The following ADAMTS9 variants were observed in gnomAD, a reference collection of about 807,000 sequenced individuals.
ADAMTS9 encodes the protein A disintegrin and metalloproteinase with thrombospondin motifs 9.
ADAMTS9 carries 107 observed loss-of-function variants against 257.1 expected under a neutral mutation model. That is an observed-to-expected ratio of 0.42 (90% CI 0.36 to 0.49). The LOEUF (loss-of-function observed/expected upper bound fraction) is 0.49. Ranked by LOEUF, ADAMTS9 falls within the 20% of genes least tolerant of loss-of-function variation. The pLI, the probability that ADAMTS9 is intolerant of heterozygous loss-of-function variation, is 0.03. For missense variants in ADAMTS9, 2,353 were observed against 2,469.1 expected (o/e 0.95, Z 1.00); for synonymous variants, 982 against 880.9 (o/e 1.11, Z -2.03).
At chr3:64,634,980 A>C (rs1700458349) in intron 12 of ADAMTS9, among the ~76,000 whole-genome samples, 2 of 152,170 alleles carry the variant, frequency 1.3e-5, no homozygotes, top group Non-Finnish European at 2.9e-5. Flanking sequence ...GTGTGGCCCT[A>C]GACTAAGTTC....
intron 38 of ADAMTS9, among the ~76,000 whole-genome samples, chr3:64,526,778 T>A (rs1185771525): frequency 6.6e-6 from 1 of 152,180 alleles, no homozygotes; most frequent in Non-Finnish European, 1.5e-5. Context: ...TAGTACCCCA[T>A]CACGGGTTTG....
At chr3:64,627,692 ATTTC>A (rs1700259791) in intron 16 of ADAMTS9, among the ~76,000 whole-genome samples, 1 of 152,102 alleles carries the variant, frequency 6.6e-6, no homozygotes, top group Non-Finnish European at 1.5e-5. Context: ...AAGGGAGCTA[ATTTC>A]CTGGGTTGGT....
At chr3:64,675,231 C>T (rs896049112) in intron 3 of ADAMTS9, among the ~76,000 whole-genome samples, 5 of 152,060 alleles carry the variant, frequency 3.3e-5, no homozygotes, top group African/African-American at 4.8e-5. Flanking sequence ...ATGGAGTTTG[C>T]GGTAAGAATT....
At chr3:64,582,762 T>C (rs187290770) in intron 28 of ADAMTS9, 10 of 152,268 alleles carry the variant, frequency 6.6e-5, no homozygotes, top group Admixed American at 3.9e-4. Context: ...AGTGCCAAGG[T>C]TGGGAAACCC....
chr3:64,680,869 A>G (rs1701736436), intron 3 of ADAMTS9, among the ~76,000 whole-genome samples: 1 of 152,180 alleles, frequency 6.6e-6, no homozygotes, highest in Non-Finnish European at 1.5e-5. Context: ...GGGTGCTACT[A>G]TCATGACCTG....
chr3:64,676,687 G>T (rs1396992961), intron 3 of ADAMTS9, among the ~76,000 whole-genome samples: 1 of 152,082 alleles, frequency 6.6e-6, no homozygotes, highest in Admixed American at 6.6e-5. Context: ...CCTCCCAAAG[G>T]GCACTTAGGC....
At chr3:64,679,087 A>G (rs1336601468) in intron 3 of ADAMTS9, among the ~76,000 whole-genome samples, 6 of 152,126 alleles carry the variant, frequency 3.9e-5, no homozygotes, top group Admixed American at 1.3e-4. Context: ...TATTTTTTTT[A>G]ACTAACGCAT....
At chr3:64,522,569 G>C (rs1012012754) in intron 38 of ADAMTS9, 6 of 221,996 alleles carry the variant, frequency 2.7e-5, no homozygotes, top group Middle Eastern at 1.7e-3. Flanking sequence ...TCAAATTTCA[G>C]TGTCTATTAA....
chr3:64,521,399 C>A (rs1320233739), intron 39 of ADAMTS9: 1 of 152,066 alleles, frequency 6.6e-6, no homozygotes, highest in East Asian at 1.9e-4. Flanking sequence ...TCTTAAAGAA[C>A]TAAAAATATA....
intron 8 of ADAMTS9, among the ~76,000 whole-genome samples, chr3:64,651,633 A>G (rs957175736): frequency 6.6e-6 from 1 of 152,200 alleles, no homozygotes; most frequent in African/African-American, 2.4e-5. Flanking sequence ...GGGTCTTGGC[A>G]TCTTCCCCTT....
chr3:64,602,368 C>T (rs889391505), intron 25 of ADAMTS9, among the ~76,000 whole-genome samples, 155 bp from the exon 26 acceptor site: 1 of 152,110 alleles, frequency 6.6e-6, no homozygotes, highest in African/African-American at 2.4e-5. Flanking sequence ...TTTCCCATCC[C>T]ATATCCATTT....
intron 27 of ADAMTS9, among the ~76,000 whole-genome samples, chr3:64,596,602 C>A (rs1407750996): frequency 6.6e-6 from 1 of 152,154 alleles, no homozygotes; most frequent in Non-Finnish European, 1.5e-5. Context: ...CAGTATTTAT[C>A]TGTATTCTCA....
intron 28 of ADAMTS9, among the ~76,000 whole-genome samples, chr3:64,581,644 A>C (rs906999443): frequency 3.9e-5 from 6 of 152,222 alleles, no homozygotes; most frequent in Non-Finnish European, 7.3e-5. Flanking sequence ...GTTAGGCAAA[A>C]GTCAAAATTC....
At chr3:64,567,567 T>A (rs576903449) in intron 29 of ADAMTS9, among the ~76,000 whole-genome samples, 1 of 152,264 alleles carries the variant, frequency 6.6e-6, no homozygotes, top group South Asian at 2.1e-4. Context: ...ATCCAGTGTT[T>A]AGAGATTAAA....
Position 64,602,034 on chromosome 3 carries a change from G to C in ADAMTS9, c.3927C>G (p.Phe1309Leu). 6.2e-7 allele frequency: 1 copy of C among 1,614,050 alleles called. No homozygotes were observed. Among genetic ancestry groups the C allele is most frequent in the South Asian group, 1.1e-5 (1 of 91,062 alleles). The change falls in exon 26 of 40, where the codon TTC becomes TTG. Residue 1309 changes from phenylalanine to leucine, a missense_variant. Phe to Leu is a conservative substitution (Grantham distance 22). Coordinates refer to ENST00000498707, the MANE Select transcript of ADAMTS9 (RefSeq NM_182920.2). ...TCCGGGGACGATAGTCCTCATTTTGGAAGGGGTGCTGAGCTAAGCCACTGT... is the reference window on the plus strand; with the variant it reads ...TCCGGGGACGATAGTCCTCATTTTGCAAGGGGTGCTGAGCTAAGCCACTGT... ...TPDSGLAQHP[F>L]QNEDYRPRSA...
Position 64,541,195 on chromosome 3 carries a change from C to T in ADAMTS9, c.5421G>A (p.Gly1807=), listed in dbSNP as rs756370535. 8.1e-6 allele frequency: 13 copies of T among 1,614,202 alleles called. No homozygotes were observed. The South Asian group carries it at 1.4e-4, about 18-fold the overall frequency. The change falls in exon 36 of 40, where the codon GGG becomes GGA. Residue 1807 remains glycine, a synonymous_variant. Coordinates refer to ENST00000498707, the MANE Select transcript of ADAMTS9 (RefSeq NM_182920.2). The part of the protein sequence containing the change: ...LHNPTECPYN[G]SRRDDCQCRK... ...GACATTGGCAGTCATCGCGCCGGCTCCCGTTATAGGGACATTCTGTTGGGT... is the reference window on the plus strand; with the variant it reads ...GACATTGGCAGTCATCGCGCCGGCTTCCGTTATAGGGACATTCTGTTGGGT...
intron 8 of ADAMTS9, among the ~76,000 whole-genome samples, chr3:64,652,273 T>C (rs997233396): frequency 1.3e-5 from 2 of 152,356 alleles, no homozygotes; most frequent in South Asian, 2.1e-4. Context: ...CATTAATTTA[T>C]CACATTTTCC....
intron 29 of ADAMTS9, chr3:64,565,803 T>C (rs762235509): frequency 1.3e-5 from 2 of 152,182 alleles, no homozygotes; most frequent in Non-Finnish European, 2.9e-5. Flanking sequence ...TGAAATGTAA[T>C]CTTTTTGGAG....
Position 64,604,216 on chromosome 3 carries a change from C to G in ADAMTS9, c.3579+11G>C, listed in dbSNP as rs2084517747. 1.9e-6 allele frequency: 3 copies of G among 1,608,518 alleles called. No homozygotes were observed. Among genetic ancestry groups the G allele is most frequent in the Non-Finnish European group, 2.6e-6 (3 of 1,176,314 alleles). On this transcript the variant is annotated intron_variant, in intron 24 of 39. Coordinates refer to ENST00000498707, the MANE Select transcript of ADAMTS9 (RefSeq NM_182920.2). ...TCCTGCCCTCCCCATTTCTCCCAGT[C>G]TATTTCTTACTGGGGTCCAAGACCC...
Sources: allele counts gnomAD v4.1 joint callset (sites outside exome capture counted in the v4.1 genomes callset), GRCh38; gene constraint gnomAD v4.1.1; transcripts MANE v1.5; gene names NCBI Gene and HGNC (gene_info 2026-07-23, HGNC 2026-07-21).